The following XPO4 variants were observed in gnomAD, a reference collection of about 807,000 sequenced individuals.
The protein encoded by XPO4 is exportin-4.
A neutral mutation model predicts 143.0 loss-of-function variants in XPO4; 39 were observed. The ratio of observed to expected loss-of-function variants is 0.27; its 90% CI spans 0.21 to 0.36. The LOEUF (loss-of-function observed/expected upper bound fraction) is 0.36, where lower values mean the gene tolerates loss of function less well. Ranked by LOEUF, XPO4 falls within the 10% of genes least tolerant of loss-of-function variation. The pLI is 1.00. For synonymous variants in XPO4, 439 were observed against 474.0 expected (o/e 0.93, Z 0.96); for missense variants, 907 against 1,348.0 (o/e 0.67, Z 5.12).
At chr13:20,797,234 C>T (rs74036446) in intron 16 of XPO4, among the ~76,000 whole-genome samples, 177 bp from the exon 17 acceptor site, 3,162 of 152,150 alleles carry the variant, frequency 0.021, 85 homozygotes, top group Middle Eastern at 0.075. Flanking sequence ...CCTAACTTTC[C>T]GCTCATGTAA....
chr13:20,856,154 A>G (rs893717918), intron 3 of XPO4: 5 of 212,362 alleles, frequency 2.4e-5, no homozygotes, highest in Non-Finnish European at 2.2e-5. Context: ...ATTTGTAGGG[A>G]AAAAAATCAC....
In XPO4 at chr13:20,796,060, T is replaced by C. The variant is rs758116437; in HGVS notation, c.2797+16A>G. The C allele has an allele frequency of 3.8e-6, 6 of 1,596,352 alleles. No homozygotes were observed. The Admixed American group carries it at 1.0e-4, about 28-fold the overall frequency. On this transcript the variant is annotated intron_variant, in intron 18 of 22. Transcript: ENST00000255305. ...GGATAACAACAAAGTTTAAAAACCA[T>C]CACGTTACATTTTACCTGTATCACT...
chr13:20,787,204 A>T (rs900300941), intron 21 of XPO4, 147 bp from the exon 22 acceptor site: 3 of 769,494 alleles, frequency 3.9e-6, no homozygotes, highest in Non-Finnish European at 6.1e-6. Context: ...TTTAAAAAAA[A>T]TACCTTACAG....
intron 22 of XPO4, among the ~76,000 whole-genome samples, chr13:20,784,354 C>G (rs189075709): frequency 1.3e-5 from 2 of 152,234 alleles, no homozygotes; most frequent in East Asian, 3.9e-4. Flanking sequence ...TCTGGTCCAC[C>G]CAGTTCTGAG....
At chr13:20,859,785 T>TA (rs531329457) in intron 3 of XPO4, 119,724 of 654,822 alleles carry the variant, frequency 0.18, 1,433 homozygotes, top group Non-Finnish European at 0.2. Context: ...CAAAAAAAAT[T>TA]AAAAAAAAAA....
intron 3 of XPO4, among the ~76,000 whole-genome samples, chr13:20,859,542 G>A (rs1258434236): frequency 2.0e-5 from 3 of 152,182 alleles, no homozygotes; most frequent in Admixed American, 2.0e-4. Context: ...GGAGCTTTCA[G>A]TGAGCGGAGA....
intron 1 of XPO4, among the ~76,000 whole-genome samples, chr13:20,897,650 A>T (rs2060582700): frequency 6.6e-6 from 1 of 152,254 alleles, no homozygotes; most frequent in African/African-American, 2.4e-5. Context: ...AAATGTTCTA[A>T]AACAAATCAA....
chr13:20,821,613 T>C lies in XPO4; in HGVS notation c.1173+91A>G, dbSNP rs1333235764. Reference sequence around the variant, plus strand: ...ACTTTAACAATAGCCAGCACTCACTTAAAATAATTACTTGTCATGAGAAAT... The same window carrying C: ...ACTTTAACAATAGCCAGCACTCACTCAAAATAATTACTTGTCATGAGAAAT... On this transcript the variant is annotated intron_variant, in intron 9 of 22. Coordinates refer to ENST00000255305, the MANE Select transcript of XPO4 (RefSeq NM_022459.5). The C allele has an allele frequency of 5.0e-6, 7 of 1,391,160 alleles. No individual in the cohort carries two copies. The Admixed American group carries it at 1.7e-4, about 35-fold the overall frequency. 86.2% of individuals were successfully genotyped at this position (1,391,160 alleles called of 1,614,324 possible).
intron 18 of XPO4, among the ~76,000 whole-genome samples, chr13:20,792,313 C>A (rs1189647277): frequency 1.3e-5 from 2 of 151,914 alleles, no homozygotes; most frequent in Non-Finnish European, 2.9e-5. Context: ...CAGGCCTGGG[C>A]TGGGCACGGT....
chr13:20,868,339 C>A, intron 2 of XPO4: 1 of 326,092 alleles, frequency 3.1e-6, no homozygotes, highest in Non-Finnish European at 5.2e-6. Context: ...TATTAACAGC[C>A]TTCATGTTAT....
intron 3 of XPO4, chr13:20,857,017 A>G (rs1169216000): frequency 2.7e-6 from 1 of 376,282 alleles, no homozygotes; most frequent in African/African-American, 2.2e-5. Context: ...AGATATTTAT[A>G]CAGATGAATA....
At chr13:20,820,821 CACAT>C (rs1422250844) in intron 9 of XPO4, among the ~76,000 whole-genome samples, 6 of 152,156 alleles carry the variant, frequency 3.9e-5, no homozygotes, top group Non-Finnish European at 4.4e-5. Flanking sequence ...CGAAAAAACT[CACAT>C]ACACGTTGGC....
At chr13:20,858,823 A>G (rs1445578587) in intron 3 of XPO4, among the ~76,000 whole-genome samples, 1 of 151,968 alleles carries the variant, frequency 6.6e-6, no homozygotes, top group Non-Finnish European at 1.5e-5. Flanking sequence ...GTGAGCCAAG[A>G]TTGCGCCATT....
chr13:20,810,389 A>T lies in XPO4; in HGVS notation c.1174-422T>A, dbSNP rs544076797. ...CCACCAGTGCTCCTTAACAAGAAAT[A>T]ACTCATAATAAAAAAGAACAGCAAA... is the stretch of plus-strand genomic sequence containing the variant. On this transcript the variant is annotated intron_variant, in intron 9 of 22. Coordinates refer to ENST00000255305, the MANE Select transcript of XPO4 (RefSeq NM_022459.5). Among the ~76,000 whole-genome samples the T allele has an allele frequency of 7.9e-4, 120 of 152,338 alleles. 1 individual carries two copies. Among genetic ancestry groups the T allele is most frequent in the African/African-American group, 2.9e-3 (119 of 41,588 alleles).
intron 22 of XPO4, among the ~76,000 whole-genome samples, chr13:20,785,205 T>C (rs937113181): frequency 6.6e-6 from 1 of 152,150 alleles, no homozygotes; most frequent in African/African-American, 2.4e-5. Context: ...GATATCATGA[T>C]AGACCAAAAT....
rs750037973 is a variant in XPO4, at chr13:20,787,496, T to A, written c.3150A>T (p.Thr1050=). 5.6e-6 allele frequency: 9 copies of A among 1,614,122 alleles called. No individual in the cohort carries two copies. The highest frequency in any genetic ancestry group is 7.6e-6 in the Non-Finnish European group (9 of 1,180,022). The change falls in exon 21 of 23, where the codon ACA becomes ACT. Residue 1050 remains threonine (T), a synonymous_variant. Transcript: ENST00000255305. Reference sequence around the variant, plus strand: ...GACATCTTACCTTAAGAAAGTGCCGTGTTGCTAGAAAAAGTGGTGAGTCTG... The same window carrying A: ...GACATCTTACCTTAAGAAAGTGCCGAGTTGCTAGAAAAAGTGGTGAGTCTG... ...QETDSPLFLA[T]RHFLKLVFDM... is the part of the protein sequence containing the mutation.
At chr13:20,864,128 C>A (rs2060224874) in intron 2 of XPO4, among the ~76,000 whole-genome samples, 1 of 150,898 alleles carries the variant, frequency 6.6e-6, no homozygotes, top group African/African-American at 2.4e-5. Flanking sequence ...AGAATTGATA[C>A]AAATTTAGAA....
intron 3 of XPO4, chr13:20,859,931 G>A (rs1002265708): frequency 1.2e-6 from 1 of 821,612 alleles, no homozygotes; most frequent in Non-Finnish European, 1.5e-6. Flanking sequence ...TCTCAGGTTG[G>A]GGAATGGCGA....
At chr13:20,882,499 C>G (rs2060422034) in intron 1 of XPO4, among the ~76,000 whole-genome samples, 1 of 152,106 alleles carries the variant, frequency 6.6e-6, no homozygotes, top group African/African-American at 2.4e-5. Flanking sequence ...CACCTCATGA[C>G]CCAAACACCT....
Sources: allele counts gnomAD v4.1 joint callset (sites outside exome capture counted in the v4.1 genomes callset), GRCh38; gene constraint gnomAD v4.1.1; transcripts MANE v1.5; gene names NCBI Gene and HGNC (gene_info 2026-07-23, HGNC 2026-07-21).